Variants in POFUT4 observed in about 807,000 individuals in gnomAD.
The protein encoded by POFUT4 is protein O-fucosyltransferase 4, also known as GDP-fucose protein O-fucosyltransferase 4.
At chr10:73,772,346 C>T in the POFUT4 span, 65 of 1,461,082 alleles carry the variant, frequency 4.4e-5, no homozygotes, top group South Asian at 8.9e-4. Context: ...GGCGGCCGGC[C>T]CCATTAGGGT....
chr10:73,780,144 T>C, the POFUT4 span: 2 of 152,276 alleles, frequency 1.3e-5, no homozygotes, highest in African/African-American at 4.8e-5. Flanking sequence ...CTTTTAATTA[T>C]ACTCTGGAGT....
At chr10:73,775,770 C>A in the POFUT4 span, 8 of 1,308,972 alleles carry the variant, frequency 6.1e-6, no homozygotes, top group Non-Finnish European at 8.6e-6. Flanking sequence ...CTGCACAAAC[C>A]CTTAATGAAC....
At chr10:73,772,673 G>T in the POFUT4 span, 1 of 1,558,444 alleles carries the variant, frequency 6.4e-7, no homozygotes, top group Non-Finnish European at 8.7e-7. Context: ...AGCGCTGAGG[G>T]ACTCGCGGAC....
At chr10:73,773,789 T>C in the POFUT4 span, 1 of 1,584,770 alleles carries the variant, frequency 6.3e-7, no homozygotes, top group East Asian at 2.3e-5. Flanking sequence ...GCTTTGGCAA[T>C]GTGGAAGAGA....
chr10:73,775,775 A>G, the POFUT4 span: 2 of 1,285,160 alleles, frequency 1.6e-6, no homozygotes, highest in African/African-American at 1.5e-5. Flanking sequence ...CAAACCCTTA[A>G]TGAACACTGT....
At chr10:73,773,272 A>G in the POFUT4 span, 1 of 1,614,102 alleles carries the variant, frequency 6.2e-7, no homozygotes, top group Non-Finnish European at 8.5e-7. Context: ...ACCACCGAGG[A>G]TCCAGAGCTC....
the POFUT4 span, chr10:73,772,311 G>A: frequency 4.2e-6 from 6 of 1,417,470 alleles, no homozygotes; most frequent in Non-Finnish European, 5.5e-6. Flanking sequence ...CTGGCCGAGG[G>A]GGCGCCGGCT....
the POFUT4 span, chr10:73,775,543 G>A: frequency 1.9e-6 from 3 of 1,614,204 alleles, no homozygotes; most frequent in East Asian, 6.7e-5. Flanking sequence ...TATTTCAGTT[G>A]GAAAGAGATG....
At chr10:73,775,326 T>C in the POFUT4 span, 5 of 1,133,282 alleles carry the variant, frequency 4.4e-6, no homozygotes, top group South Asian at 4.0e-5. Flanking sequence ...TCGTAATTGA[T>C]TGGGTAGTCT....
chr10:73,772,828 C>T, the POFUT4 span: 8 of 1,612,182 alleles, frequency 5.0e-6, no homozygotes, highest in Non-Finnish European at 6.8e-6. Context: ...TCCGCCTCTT[C>T]AATCTTACCT....
the POFUT4 span, chr10:73,780,053 A>G: frequency 6.6e-6 from 1 of 152,256 alleles, no homozygotes; most frequent in Admixed American, 6.5e-5. Context: ...AGCAAGCAAC[A>G]TGAATCTTCT....
At chr10:73,774,038 T>A in the POFUT4 span, 1 of 540,254 alleles carries the variant, frequency 1.9e-6, no homozygotes, top group Non-Finnish European at 3.2e-6. Flanking sequence ...TCAGCTTATG[T>A]GAACAATGTT....
chr10:73,774,109 G>C, the POFUT4 span: 1 of 335,596 alleles, frequency 3.0e-6, no homozygotes, highest in East Asian at 5.0e-5. Context: ...AGGGGAGAGA[G>C]AAAATGGGGC....
At chr10:73,772,561 G>A in the POFUT4 span, 1 of 1,580,072 alleles carries the variant, frequency 6.3e-7, no homozygotes, top group Middle Eastern at 1.7e-4. Context: ...GGGACTTGCC[G>A]GTACTGCTGT....
chr10:73,773,696 C>A, the POFUT4 span: 2 of 1,614,248 alleles, frequency 1.2e-6, no homozygotes, highest in East Asian at 4.5e-5. Context: ...AGAAAGCCCA[C>A]GCGGCCTCTC....
At chr10:73,776,049 C>G in the POFUT4 span, 4 of 205,378 alleles carry the variant, frequency 1.9e-5, no homozygotes, top group South Asian at 4.2e-4. Flanking sequence ...CGACTTACAA[C>G]TTTTGTTCTA....
At chr10:73,772,601 C>T in the POFUT4 span, 3 of 1,570,258 alleles carry the variant, frequency 1.9e-6, no homozygotes, top group Non-Finnish European at 2.6e-6. Flanking sequence ...CCCCCACTTC[C>T]CGGGAGACTC....
chr10:73,772,533 C>A, the POFUT4 span: 1 of 1,567,288 alleles, frequency 6.4e-7, no homozygotes, highest in Admixed American at 1.9e-5. Context: ...ACGCCGCGGC[C>A]AGGGAGGGAG....
At chr10:73,772,390 T>C in the POFUT4 span, 2 of 1,568,090 alleles carry the variant, frequency 1.3e-6, no homozygotes, top group Non-Finnish European at 1.7e-6. Flanking sequence ...TCAGTGTCTG[T>C]GCAGCCAGCG....
Sources: gnomAD v4.1 joint callset for allele counts on GRCh38, gnomAD v4.1.1 for gene constraint, MANE v1.5 for transcripts, NCBI Gene and HGNC (gene_info 2026-07-23, HGNC 2026-07-21) for gene names.